OR1S1: variants seen among roughly 807,000 people sequenced by gnomAD.
OR1S1 encodes the protein olfactory receptor 1S1.
For synonymous variants in OR1S1, 156 were observed against 143.9 expected, an observed-to-expected ratio of 1.08 and a Z score of -0.60; for missense variants, 411 against 367.5, an observed-to-expected ratio of 1.12 and a Z score of -0.97.
chr11:58,215,921 A>G lies in OR1S1; in HGVS notation c.*199A>G, dbSNP rs868322122. ...ACCTGTAACTGCCATGGTAAGTCAC[A>G]AGAATAACACGCATCCTTAGAGAGT... On this transcript the variant is annotated 3_prime_UTR_variant, in exon 2 of 2. Transcript: ENST00000641544. 2.7e-5 allele frequency: 17 copies of G among 634,640 alleles called. No homozygotes were observed. In the Middle Eastern group the frequency reaches 1.6e-3, roughly 61 times the overall value. The allele number at this position is 634,640 out of a possible 1,614,324, so 39.3% of individuals were successfully genotyped here.
chr11:58,214,494 C>T lies in OR1S1; in HGVS notation c.-55-235C>T, dbSNP rs938891625. On this transcript the variant is annotated intron_variant, in intron 1 of 1. Coordinates refer to ENST00000641544, the Ensembl canonical transcript of OR1S1. ...TGCCTCATCTATGACCCTCAGTTTG[C>T]GGGATTTAAACTACATTTAGAACCA... Among the ~76,000 whole-genome samples, 9 of 152,108 alleles carry T rather than the reference C, an allele frequency of 5.9e-5. No individual in the cohort carries two copies. In the South Asian group the frequency reaches 1.2e-3, roughly 21 times the overall value.
At chr11:58,213,383 T>C (rs1358830999) in intron 1 of OR1S1, among the ~76,000 whole-genome samples, 2 of 152,146 alleles carry the variant, frequency 1.3e-5, no homozygotes, top group East Asian at 3.9e-4. Flanking sequence ...GTTTAACTGA[T>C]ACTGAAGACC....
At chr11:58,214,752 CT>C (rs748746551) in exon 2 of OR1S1, 3 of 1,613,434 alleles carry the variant, frequency 1.9e-6, no homozygotes, top group African/African-American at 2.7e-5. Context: ...AATATGAAGA[CT>C]TTTAGTTCCT....
Position 58,214,899 on chromosome 11 carries a change from T to C in OR1S1, c.116T>C (p.Val39Ala), listed in dbSNP as rs1306893616. 9 of 1,614,144 alleles carry C rather than the reference T, an allele frequency of 5.6e-6. No individual in the cohort carries two copies. In the Admixed American group the frequency reaches 6.7e-5, roughly 12 times the overall value. The change falls in exon 2 of 2, where the codon GTG becomes GCG. Residue 39 changes from valine (V) to alanine (A), a missense_variant. Val to Ala is a moderately conservative substitution (Grantham distance 64). Transcript: ENST00000641544. ...TTCTTGGGTATGTACCTGGTCACTG[T>C]GATTGGGAACGGGCTCATCATTGTG...
At chr11:58,215,485 G>T (rs1355859961) in exon 2 of OR1S1, 3 of 1,614,168 alleles carry the variant, frequency 1.9e-6, no homozygotes, top group East Asian at 4.5e-5. Flanking sequence ...CACAGGGAAA[G>T]TGGAAAGCCT....
intron 1 of OR1S1, 69 bp downstream of exon 1, chr11:58,212,906 T>C (rs150375800): frequency 1.2e-3 from 185 of 152,288 alleles, no homozygotes; most frequent in African/African-American, 4.2e-3. Context: ...GTTCCCTCTC[T>C]AGTCAAGCCC....
In OR1S1 at chr11:58,214,720, C is replaced by T; in HGVS notation, c.-55-9C>T. On this transcript the variant is annotated splice_polypyrimidine_tract_variant and intron_variant, in intron 1 of 1. Coordinates refer to ENST00000641544, the Ensembl canonical transcript of OR1S1. ...CTGCAATGGCTGCAGCCAAATGATA[C>T]CATGTTAGGTTTTCTTGTAGGAATA... 1 of 1,602,940 alleles carries T rather than the reference C, an allele frequency of 6.2e-7. No individual in the cohort carries two copies. The highest frequency in any genetic ancestry group is 8.5e-7 in the Non-Finnish European group (1 of 1,172,870).
rs191897922 is a variant in OR1S1 at position 58,213,119 on chromosome 11, G to A, written c.-56+282G>A. ...ATCTCTAATGCCTTTCAGTTTTCAG[G>A]AATTTCAGAGACGAAGATTGTCTCT... On this transcript the variant is annotated intron_variant, in intron 1 of 1. Coordinates refer to ENST00000641544, the Ensembl canonical transcript of OR1S1. Among the ~76,000 whole-genome samples the A allele has an allele frequency of 8.6e-4, 131 of 152,312 alleles. 1 individual carries two copies. The highest frequency in any genetic ancestry group is 2.8e-3 in the African/African-American group (118 of 41,566).
At chr11:58,215,659 G>A (rs1852928548) in exon 2 of OR1S1, 3 of 1,613,874 alleles carry the variant, frequency 1.9e-6, no homozygotes, top group Admixed American at 1.7e-5. Context: ...TCTACAGCTT[G>A]AGGAATAAGG....
intron 1 of OR1S1, among the ~76,000 whole-genome samples, chr11:58,213,405 A>T (rs1466498530): frequency 6.6e-6 from 1 of 152,178 alleles, no homozygotes; most frequent in African/African-American, 2.4e-5. Flanking sequence ...ATTTCCAGGT[A>T]TTAAAAAACC....
exon 2 of OR1S1, chr11:58,215,026 G>T (rs777096747): frequency 1.2e-6 from 2 of 1,614,078 alleles, no homozygotes; most frequent in Non-Finnish European, 1.7e-6. Flanking sequence ...TCCCCAAAAT[G>T]CTGGTGAATA....
At chr11:58,213,528 A>G (rs1188254125) in intron 1 of OR1S1, among the ~76,000 whole-genome samples, 2 of 152,202 alleles carry the variant, frequency 1.3e-5, no homozygotes, top group Non-Finnish European at 2.9e-5. Flanking sequence ...AGGTGGGAGC[A>G]TATGTTCTTC....
At chr11:58,214,334 C>T (rs1303338015) in intron 1 of OR1S1, among the ~76,000 whole-genome samples, 1 of 152,076 alleles carries the variant, frequency 6.6e-6, no homozygotes, top group East Asian at 1.9e-4. Context: ...TGTTTACTTC[C>T]CCAAACTCTT....
intron 1 of OR1S1, among the ~76,000 whole-genome samples, chr11:58,213,099 T>A (rs1283483644): frequency 6.6e-6 from 1 of 152,250 alleles, no homozygotes; most frequent in Non-Finnish European, 1.5e-5. Context: ...CTTCAATCTC[T>A]AATGCCTTTC....
chr11:58,214,290 G>A (rs904883225), intron 1 of OR1S1, among the ~76,000 whole-genome samples: 3 of 152,138 alleles, frequency 2.0e-5, no homozygotes, highest in Admixed American at 1.3e-4. Flanking sequence ...ACACAATGGT[G>A]TACACTGCCA....
chr11:58,213,583 ATTG>A (rs563278099), intron 1 of OR1S1, among the ~76,000 whole-genome samples: 7 of 151,882 alleles, frequency 4.6e-5, no homozygotes, highest in Non-Finnish European at 8.8e-5. Flanking sequence ...TGTTGTTACT[ATTG>A]TTGTTGTTGT....
At chr11:58,213,154 T>G (rs999925994) in intron 1 of OR1S1, among the ~76,000 whole-genome samples, 34 of 152,294 alleles carry the variant, frequency 2.2e-4, no homozygotes, top group Non-Finnish European at 3.5e-4. Flanking sequence ...TTTTCTGGCC[T>G]CTGAATGGAA....
rs192693894 is a variant in OR1S1 at position 58,214,212 on chromosome 11, T to C, written c.-55-517T>C. 9.9e-5 allele frequency among the ~76,000 whole-genome samples: 15 copies of C among 152,282 alleles called. 1 individual carries two copies. The highest frequency in any genetic ancestry group is 2.6e-4 in the Admixed American group (4 of 15,292). On this transcript the variant is annotated intron_variant, in intron 1 of 1. Transcript: ENST00000641544. ...ATGAAGTAAAACCCTGGTTGCTCCT[T>C]CTTGTACTCATTCTCCAAAAGCACT...
At chr11:58,214,823 C>T in exon 2 of OR1S1, 2 of 1,614,050 alleles carry the variant, frequency 1.2e-6, no homozygotes, top group African/African-American at 1.3e-5. Flanking sequence ...TGAATTCATT[C>T]TCCTGGGATT....
Sources: allele counts gnomAD v4.1 joint callset (sites outside exome capture counted in the v4.1 genomes callset), GRCh38; gene constraint gnomAD v4.1.1; transcripts MANE v1.5; gene names NCBI Gene and HGNC (gene_info 2026-07-23, HGNC 2026-07-21).